ADAM12: variants seen among roughly 807,000 people sequenced by gnomAD.
ADAM12 encodes disintegrin and metalloproteinase domain-containing protein 12.
Under a neutral mutation model 106.4 loss-of-function variants are expected in ADAM12, and 70 were observed. The observed-to-expected ratio is 0.66, with a 90% CI of 0.54 to 0.80. The LOEUF (loss-of-function observed/expected upper bound fraction) is 0.80, where lower values mean the gene tolerates loss of function less well. ADAM12 is among the 30% of genes least tolerant of loss of function. The pLI, the probability that ADAM12 is intolerant of heterozygous loss-of-function variation, is 0.00. For synonymous variants in ADAM12, 420 were observed against 433.5 expected (o/e 0.97, Z 0.39); for missense variants, 1,010 against 1,171.9 (o/e 0.86, Z 2.02).
chr10:126,033,470 G>A (rs73374534), intron 21 of ADAM12, among the ~76,000 whole-genome samples: 6,438 of 152,252 alleles, frequency 0.042, 354 homozygotes, highest in East Asian at 0.12. Context: ...GAACTACCCA[G>A]TGGTGTGTTT....
At chr10:126,051,962 G>A (rs1439006005) in intron 14 of ADAM12, among the ~76,000 whole-genome samples, 1 of 152,214 alleles carries the variant, frequency 6.6e-6, no homozygotes, top group African/African-American at 2.4e-5. Flanking sequence ...GACATCATGA[G>A]CTGAATCCTA....
chr10:126,037,862 T>TGG (rs1236442296), intron 20 of ADAM12, among the ~76,000 whole-genome samples: 1 of 152,138 alleles, frequency 6.6e-6, no homozygotes, highest in Non-Finnish European at 1.5e-5. Context: ...TAAAGCCAGG[T>TGG]GGTGGCATTT....
chr10:126,195,614 G>C (rs760406214), intron 3 of ADAM12, among the ~76,000 whole-genome samples: 4 of 151,912 alleles, frequency 2.6e-5, no homozygotes, highest in South Asian at 4.2e-4. Flanking sequence ...ACCAACATAC[G>C]TTAATTAGAC....
intron 5 of ADAM12, among the ~76,000 whole-genome samples, chr10:126,118,982 A>G (rs1157259892): frequency 6.6e-6 from 1 of 152,228 alleles, no homozygotes; most frequent in Non-Finnish European, 1.5e-5. Flanking sequence ...CTAATTATTT[A>G]TCCTGATCAG....
chr10:126,304,802 A>AT (rs1370610738), intron 2 of ADAM12, among the ~76,000 whole-genome samples: 2 of 152,088 alleles, frequency 1.3e-5, no homozygotes, highest in African/African-American at 2.4e-5. Flanking sequence ...ACAAAAAAAA[A>AT]ATATATTTGA....
At chr10:126,240,234 C>T (rs750024163) in intron 3 of ADAM12, among the ~76,000 whole-genome samples, 5 of 152,236 alleles carry the variant, frequency 3.3e-5, no homozygotes, top group Non-Finnish European at 5.9e-5. Flanking sequence ...GGGAACTATA[C>T]AACCAAGACA....
chr10:126,227,916 C>T (rs1234626115), intron 3 of ADAM12, among the ~76,000 whole-genome samples: 1 of 152,074 alleles, frequency 6.6e-6, no homozygotes, highest in Non-Finnish European at 1.5e-5. Context: ...CTGGCAGCAC[C>T]CCCCAGAGCC....
At chr10:126,341,295 C>T (rs943942958) in intron 1 of ADAM12, among the ~76,000 whole-genome samples, 2 of 152,144 alleles carry the variant, frequency 1.3e-5, no homozygotes, top group African/African-American at 4.8e-5. Context: ...GTAGGGGCCT[C>T]GTCTATCAAA....
chr10:126,153,988 A>C (rs1418485085), intron 4 of ADAM12, among the ~76,000 whole-genome samples: 1 of 152,218 alleles, frequency 6.6e-6, no homozygotes, highest in Non-Finnish European at 1.5e-5. Context: ...CTGGCAAACA[A>C]TTCTTCCTCC....
rs1176195364 is a variant in ADAM12 at position 126,016,315 on chromosome 10, T to G, written c.*964A>C. 6.6e-6 allele frequency: 1 copy of G among 152,112 alleles called. No individual in the cohort carries two copies. Among genetic ancestry groups the G allele is most frequent in the African/African-American group, 2.4e-5 (1 of 41,404 alleles). 9.4% of individuals were successfully genotyped at this position (152,112 alleles called of 1,614,324 possible). A position where few individuals can be genotyped will look rare whatever the true frequency, so the allele number is the denominator to read the frequency against. On this transcript the variant is annotated 3_prime_UTR_variant, in exon 23 of 23. Coordinates refer to ENST00000448723, the MANE Select transcript of ADAM12 (RefSeq NM_001288973.2). ...GGTTCACATCTGAAAATAGTTGTGGTCCCATGGAAAGCCTCATCTGTCTGA... is the reference window on the plus strand; with the variant it reads ...GGTTCACATCTGAAAATAGTTGTGGGCCCATGGAAAGCCTCATCTGTCTGA...
intron 9 of ADAM12, 45 bp downstream of exon 9, chr10:126,101,027 A>G (rs1214213476): frequency 6.2e-7 from 1 of 1,601,132 alleles, no homozygotes; most frequent in East Asian, 2.2e-5. Context: ...GGCTTCGCCG[A>G]GAGCACTCCT....
chr10:126,286,173 A>G (rs1052303474), intron 2 of ADAM12, among the ~76,000 whole-genome samples: 2 of 152,184 alleles, frequency 1.3e-5, no homozygotes, highest in African/African-American at 4.8e-5. Flanking sequence ...ACACAGCATC[A>G]GGTCCTTGGT....
intron 3 of ADAM12, among the ~76,000 whole-genome samples, chr10:126,157,010 T>C (rs1956829366): frequency 6.9e-6 from 1 of 144,306 alleles, no homozygotes; most frequent in South Asian, 2.6e-4. Context: ...CTTCACACCG[T>C]TTGGTTTTGT....
At chr10:126,148,625 G>C (rs1030371224) in intron 4 of ADAM12, among the ~76,000 whole-genome samples, 2 of 152,196 alleles carry the variant, frequency 1.3e-5, no homozygotes, top group African/African-American at 4.8e-5. Flanking sequence ...AGCAACATGT[G>C]CTTGATGCTT....
chr10:126,270,143 T>G (rs1007747803), intron 3 of ADAM12, among the ~76,000 whole-genome samples: 1 of 152,212 alleles, frequency 6.6e-6, no homozygotes, highest in African/African-American at 2.4e-5. Flanking sequence ...TAGCTTGAGT[T>G]AATTCCCTGA....
At chr10:126,146,361 G>A (rs1956628112) in intron 4 of ADAM12, among the ~76,000 whole-genome samples, 1 of 152,182 alleles carries the variant, frequency 6.6e-6, no homozygotes, top group Non-Finnish European at 1.5e-5. Flanking sequence ...CATTCTCAAT[G>A]ATGTTTTAAG....
chr10:126,132,536 T>TCA (rs1956326698), intron 5 of ADAM12, among the ~76,000 whole-genome samples: 1 of 91,088 alleles, frequency 1.1e-5, no homozygotes, highest in Non-Finnish European at 2.1e-5. Context: ...CCCCCCCCCC[T>TCA]CAACTAGTCC....
intron 3 of ADAM12, among the ~76,000 whole-genome samples, chr10:126,157,734 G>A (rs1956845780): frequency 6.6e-6 from 1 of 152,202 alleles, no homozygotes; most frequent in African/African-American, 2.4e-5. Context: ...TGCCCTCCTT[G>A]GCAGCGTTGA....
At chr10:126,040,326 T>C (rs535569202) in intron 18 of ADAM12, among the ~76,000 whole-genome samples, 1 of 152,322 alleles carries the variant, frequency 6.6e-6, no homozygotes, top group South Asian at 2.1e-4. Context: ...AGGGTGTACT[T>C]CACATCAGGT....
Sources: allele counts gnomAD v4.1 joint callset (sites outside exome capture counted in the v4.1 genomes callset), GRCh38; gene constraint gnomAD v4.1.1; transcripts MANE v1.5; gene names NCBI Gene and HGNC (gene_info 2026-07-23, HGNC 2026-07-21).